Variants in ERBB2 observed in about 807,000 individuals in gnomAD.
ERBB2 encodes receptor tyrosine-protein kinase erbB-2.
In ERBB2, 61 loss-of-function variants were observed where a neutral mutation model predicts 149.0. The ratio of observed to expected loss-of-function variants is 0.41; its 90% CI spans 0.33 to 0.51. The LOEUF is 0.51. ERBB2 is among the 20% of genes least tolerant of loss of function. The probability of loss-of-function intolerance (pLI) is 0.25; values close to 1 mark genes in which losing one functional copy is unlikely to be tolerated. For missense variants in ERBB2, 1,205 were observed against 1,655.1 expected, an observed-to-expected ratio of 0.73 and a Z score of 4.72; for synonymous variants, 633 against 678.8, an observed-to-expected ratio of 0.93 and a Z score of 1.05.
rs931068610 is a variant in ERBB2 at position 39,728,454 on chromosome 17, C to T, written c.*410C>T. On this transcript the variant is annotated 3_prime_UTR_variant, in exon 27 of 27. Coordinates refer to ENST00000269571, the MANE Select transcript of ERBB2 (RefSeq NM_004448.4). ...AGACTGTCCCTGAAACCTAGTACTG[C>T]CCCCCATGAGGAAGGAACAGCAATG... 6 of 252,920 alleles carry T rather than the reference C, an allele frequency of 2.4e-5. No homozygotes were observed. The Admixed American group carries it at 3.2e-4, about 14-fold the overall frequency. 15.7% of individuals were successfully genotyped at this position (252,920 alleles called of 1,614,324 possible).
chr17:39,697,350 T>G (rs564581715), upstream of ERBB2, among the ~76,000 whole-genome samples: 1,152 of 144,208 alleles, frequency 8.0e-3, 17 homozygotes, highest in African/African-American at 0.029. Flanking sequence ...TGTTTTTTTG[T>G]TTTGTTTTTT....
intron 19 of ERBB2, among the ~76,000 whole-genome samples, chr17:39,724,272 A>AGTTTTTTTTTTT (rs2059614899): frequency 1.3e-5 from 1 of 77,016 alleles, no homozygotes; most frequent in African/African-American, 4.6e-5. Flanking sequence ...GCGCCCGCTA[A>AGTTTTTTTTTTT]TTTTTTTTTT....
chr17:39,708,833 G>A (rs1342585849), intron 3 of ERBB2, among the ~76,000 whole-genome samples: 2 of 152,168 alleles, frequency 1.3e-5, no homozygotes, highest in South Asian at 2.1e-4. Context: ...CCCTGGAGCC[G>A]ACTCTGCCCC....
At chr17:39,702,735 T>C (rs2058186786) in intron 1 of ERBB2, among the ~76,000 whole-genome samples, 1 of 152,222 alleles carries the variant, frequency 6.6e-6, no homozygotes, top group South Asian at 2.1e-4. Flanking sequence ...AAATGTACGG[T>C]GTACTTCCTA....
At chr17:39,709,553 C>A (rs1330092544) in intron 4 of ERBB2, 101 bp downstream of exon 4, 1 of 1,386,144 alleles carries the variant, frequency 7.2e-7, no homozygotes, top group Non-Finnish European at 1.0e-6. Flanking sequence ...CTGCCCCAGC[C>A]GCCTACACCA....
Position 39,723,889 on chromosome 17 carries a change from C to T in ERBB2, c.2209-23C>T, listed in dbSNP as rs777289035. 3.1e-6 allele frequency: 5 copies of T among 1,595,654 alleles called. No individual in the cohort carries two copies. The African/African-American group carries it at 6.7e-5, about 21-fold the overall frequency. On this transcript the variant is annotated intron_variant, in intron 18 of 26. Transcript: ENST00000269571. This position sits in a 1 kb window ranked among gnomAD's most constrained non-coding sequence, Gnocchi z 6.2. ...GGATCCAGCCCACGCTCTTCTCACT[C>T]ATATCCTCCTCTTTCTGCCCAGGGC...
rs2059545880 is a variant in ERBB2, at chr17:39,723,247, C to T, written c.1947-72C>T. ...TTCCGAATGCCAAACACCTTCATGT[C>T]CCCCGTGGGCCCCCTTTGTCCCTCC... On this transcript the variant is annotated intron_variant, in intron 16 of 26. Coordinates refer to ENST00000269571, the MANE Select transcript of ERBB2 (RefSeq NM_004448.4). This position sits in a 1 kb window ranked among gnomAD's most constrained non-coding sequence, Gnocchi z 6.2. 2 of 1,474,216 alleles carry T rather than the reference C, an allele frequency of 1.4e-6. No individual in the cohort carries two copies. Among genetic ancestry groups the T allele is most frequent in the South Asian group, 1.2e-5 (1 of 83,748 alleles). The allele number at this position is 1,474,216 out of a possible 1,614,324, so 91.3% of individuals were successfully genotyped here. A position where few individuals can be genotyped will look rare whatever the true frequency, so the allele number is the denominator to read the frequency against.
intron 9 of ERBB2, 98 bp downstream of exon 9, chr17:39,712,546 G>A (rs2058871880): frequency 7.0e-7 from 1 of 1,426,718 alleles, no homozygotes; most frequent in Non-Finnish European, 9.6e-7. Flanking sequence ...GGAGACAGAA[G>A]TGGGGGGATC....
chr17:39,701,364 G>A (rs2058096513), intron 1 of ERBB2, among the ~76,000 whole-genome samples: 1 of 151,918 alleles, frequency 6.6e-6, no homozygotes. Context: ...CAGCTAGTAA[G>A]TGGTGGGGTC....
chr17:39,708,567 G>A (rs774046277), intron 3 of ERBB2, 33 bp downstream of exon 3: 2 of 1,567,418 alleles, frequency 1.3e-6, no homozygotes, highest in South Asian at 2.2e-5. Flanking sequence ...CCTTCTCTTG[G>A]TTATTCAGAG....
upstream of ERBB2, among the ~76,000 whole-genome samples, chr17:39,693,907 C>T (rs2057767292): frequency 2.0e-5 from 3 of 149,198 alleles, no homozygotes; most frequent in East Asian, 2.0e-4. Flanking sequence ...ATAAATAGGC[C>T]GGGCACAGTG....
intron 1 of ERBB2, among the ~76,000 whole-genome samples, chr17:39,702,393 G>A (rs1031708801): frequency 6.6e-5 from 10 of 152,206 alleles, no homozygotes; most frequent in African/African-American, 2.4e-4. Context: ...GGAGGCCTAG[G>A]GGGAGCCCCA....
At chr17:39,691,904 T>TAGATAC (rs1386573320), upstream of ERBB2, among the ~76,000 whole-genome samples, 104 of 114,544 alleles carry the variant, frequency 9.1e-4, no homozygotes, top group Admixed American at 1.9e-3. Context: ...GATATAGATA[T>TAGATAC]ATATACATAT....
chr17:39,725,960 C>T lies in ERBB2; in HGVS notation c.2872+107C>T. ...ACCAGGATGTATGTAGACCCAGGAG[C>T]CCTAGTATGTTAGGAGCCTCAAAAC... On this transcript the variant is annotated intron_variant, in intron 23 of 26. Coordinates refer to ENST00000269571, the MANE Select transcript of ERBB2 (RefSeq NM_004448.4). This position sits in a 1 kb window ranked among gnomAD's most constrained non-coding sequence, Gnocchi z 4.6. 1 of 1,225,726 alleles carries T rather than the reference C, an allele frequency of 8.2e-7. No individual in the cohort carries two copies. The highest frequency in any genetic ancestry group is 1.2e-6 in the Non-Finnish European group (1 of 862,798). The allele number at this position is 1,225,726 out of a possible 1,614,324, so 75.9% of individuals were successfully genotyped here. A position where few individuals can be genotyped will look rare whatever the true frequency, so the allele number is the denominator to read the frequency against.
chr17:39,726,462 C>T lies in ERBB2; in HGVS notation c.2873-100C>T. 1.0e-6 allele frequency: 1 copy of T among 961,856 alleles called. No homozygotes were observed. The highest frequency in any genetic ancestry group is 1.7e-6 in the Non-Finnish European group (1 of 605,310). 59.6% of individuals were successfully genotyped at this position (961,856 alleles called of 1,614,324 possible). A position where few individuals can be genotyped will look rare whatever the true frequency, so the allele number is the denominator to read the frequency against. ...TACCACCTGAGGGCTTTGGGCTGTC[C>T]CTTGGGACTGTCTAGACCAGACTGG... On this transcript the variant is annotated intron_variant, in intron 23 of 26. Transcript: ENST00000269571. This position sits in a 1 kb window ranked among gnomAD's most constrained non-coding sequence, Gnocchi z 5.1.
intron 2 of ERBB2, among the ~76,000 whole-genome samples, chr17:39,689,327 A>G (rs886355941): frequency 5.9e-5 from 9 of 152,210 alleles, no homozygotes; most frequent in African/African-American, 1.4e-4. Context: ...TAACATGAAT[A>G]GTGTCCCCTG....
chr17:39,690,664 A>C (rs765147782), upstream of ERBB2, among the ~76,000 whole-genome samples: 4 of 152,122 alleles, frequency 2.6e-5, no homozygotes, highest in Admixed American at 6.6e-5. Context: ...TCTCTTCCCA[A>C]CTTTCTAGCC....
At position 39,719,678 on chromosome 17, in the gene ERBB2, A is replaced by G; in HGVS notation, c.1899-109A>G. ...TGAGCCCAGTTTCTGCCTTTGTCAA[A>G]TGGGGATAATGACCCAGCCACACCC... On this transcript the variant is annotated intron_variant, in intron 15 of 26. Transcript: ENST00000269571. The G allele has an allele frequency of 2.8e-6, 3 of 1,088,868 alleles. No individual in the cohort carries two copies. The South Asian group carries it at 3.8e-5, about 14-fold the overall frequency. The allele number at this position is 1,088,868 out of a possible 1,614,324, so 67.5% of individuals were successfully genotyped here.
Position 39,728,389 on chromosome 17 carries a change from G to A in ERBB2, c.*345G>A. 3.4e-6 allele frequency: 1 copy of A among 297,028 alleles called. No homozygotes were observed. The highest frequency in any genetic ancestry group is 1.2e-4 in the South Asian group (1 of 8,348). The allele number at this position is 297,028 out of a possible 1,614,324, so 18.4% of individuals were successfully genotyped here. The stretch of plus-strand genomic sequence containing the variant: ...GGAAGCTGGCCTGAGAGGGGAAGCG[G>A]CCCTAAGGGAGTGTCTAAGAACAAA... On this transcript the variant is annotated 3_prime_UTR_variant, in exon 27 of 27. Transcript: ENST00000269571.
Sources: allele counts gnomAD v4.1 joint callset (sites outside exome capture counted in the v4.1 genomes callset), GRCh38; gene constraint gnomAD v4.1.1; non-coding constraint Gnocchi (gnomAD v3.1); transcripts MANE v1.5; gene names NCBI Gene and HGNC (gene_info 2026-07-23, HGNC 2026-07-21).